TTC39C: variants seen among roughly 807,000 people sequenced by gnomAD.
TTC39C encodes tetratricopeptide repeat domain 39C, also known as tetratricopeptide repeat protein 39C.
Under a neutral mutation model 76.3 loss-of-function variants are expected in TTC39C, and 33 were observed. That is an observed-to-expected ratio of 0.43 (90% CI 0.33 to 0.58). The LOEUF (loss-of-function observed/expected upper bound fraction) is 0.58, where lower values mean the gene tolerates loss of function less well. TTC39C is among the 20% of genes least tolerant of loss of function. TTC39C has a pLI of 0.04. For missense variants in TTC39C, 595 were observed against 701.4 expected, an observed-to-expected ratio of 0.85 and a Z score of 1.71; for synonymous variants, 254 against 260.6, an observed-to-expected ratio of 0.97 and a Z score of 0.24.
chr18:24,125,661 G>A lies in TTC39C; in HGVS notation c.1420+111G>A, dbSNP rs575714304. 3.6e-6 allele frequency: 5 copies of A among 1,370,850 alleles called. No homozygotes were observed. In the African/African-American group the frequency reaches 7.2e-5, roughly 20 times the overall value. 84.9% of individuals were successfully genotyped at this position (1,370,850 alleles called of 1,614,324 possible). A position where few individuals can be genotyped will look rare whatever the true frequency, so the allele number is the denominator to read the frequency against. ...TTCATGTTTATCTCATCGGAGTCAG[G>A]GAGAGTACACATCTCTCCTTAGATA... is the stretch of plus-strand genomic sequence containing the variant. On this transcript the variant is annotated intron_variant, in intron 10 of 13. Transcript: ENST00000317571.
At chr18:24,072,400 A>G (rs972414461) in intron 4 of TTC39C, among the ~76,000 whole-genome samples, 1 of 151,718 alleles carries the variant, frequency 6.6e-6, no homozygotes, top group African/African-American at 2.4e-5. Context: ...GGTTCAAGTG[A>G]TTCTCGTACG....
At chr18:24,066,354 TTTGATATC>T (rs1411159882) in intron 3 of TTC39C, among the ~76,000 whole-genome samples, 8 of 152,202 alleles carry the variant, frequency 5.3e-5, no homozygotes, top group Non-Finnish European at 1.2e-4. Flanking sequence ...TGCATGTCCT[TTTGATATC>T]TTAGAATCAT....
intron 10 of TTC39C, among the ~76,000 whole-genome samples, chr18:24,125,942 C>T (rs1272545276): frequency 1.3e-5 from 2 of 152,196 alleles, no homozygotes; most frequent in Admixed American, 6.5e-5. Flanking sequence ...AATCCCAGCA[C>T]TTTGAAAGGC....
chr18:24,119,666 A>C (rs973270863), intron 8 of TTC39C, among the ~76,000 whole-genome samples: 4 of 152,120 alleles, frequency 2.6e-5, no homozygotes, highest in African/African-American at 9.7e-5. Context: ...GAATAAGCTT[A>C]TTTTTCATAT....
chr18:24,004,760 C>T (rs1283882440), intron 1 of TTC39C, among the ~76,000 whole-genome samples: 1 of 152,184 alleles, frequency 6.6e-6, no homozygotes, highest in Non-Finnish European at 1.5e-5. Flanking sequence ...TGCTTTCACT[C>T]ATTTTTCGTG....
chr18:24,118,290 C>T (rs1050299311), intron 8 of TTC39C, 58 bp downstream of exon 8: 14 of 1,386,878 alleles, frequency 1.0e-5, no homozygotes, highest in South Asian at 7.4e-5. Context: ...GCTCGCCTGA[C>T]GTGGGCAGAT....
upstream of TTC39C, chr18:24,014,571 T>G (rs1299664701): frequency 3.0e-5 from 7 of 235,530 alleles, no homozygotes; most frequent in East Asian, 9.5e-5. Flanking sequence ...CGGAAACGGA[T>G]TCCGCTTCGG....
intron 1 of TTC39C, among the ~76,000 whole-genome samples, chr18:24,036,193 T>C (rs1442297584): frequency 6.6e-6 from 1 of 152,232 alleles, no homozygotes; most frequent in Non-Finnish European, 1.5e-5. Flanking sequence ...TTTTTCAAGA[T>C]ATTTTGGCTA....
intron 6 of TTC39C, among the ~76,000 whole-genome samples, chr18:24,108,408 G>A (rs1026882311): frequency 7.2e-5 from 11 of 152,248 alleles, no homozygotes; most frequent in Non-Finnish European, 1.5e-4. Context: ...AAAAGAACTC[G>A]GCCTTGTTTC....
intron 6 of TTC39C, among the ~76,000 whole-genome samples, chr18:24,104,078 C>G (rs1482900894): frequency 6.6e-6 from 1 of 152,072 alleles, no homozygotes; most frequent in African/African-American, 2.4e-5. Flanking sequence ...ATTACAGGCA[C>G]TTGCCACCAC....
chr18:24,120,120 G>A (rs547247167), intron 8 of TTC39C, among the ~76,000 whole-genome samples: 1 of 152,288 alleles, frequency 6.6e-6, no homozygotes, highest in African/African-American at 2.4e-5. Context: ...GCAAGGCCAA[G>A]GCAGGCAGAT....
chr18:24,094,043 T>A (rs1300519253), intron 6 of TTC39C, among the ~76,000 whole-genome samples: 2 of 152,250 alleles, frequency 1.3e-5, no homozygotes, highest in Admixed American at 6.5e-5. Flanking sequence ...GTAGGACTTC[T>A]TTCAAAATTA....
intron 1 of TTC39C, among the ~76,000 whole-genome samples, chr18:23,999,737 G>T (rs181213359): frequency 5.3e-4 from 80 of 152,346 alleles, no homozygotes; most frequent in Non-Finnish European, 8.8e-4. Flanking sequence ...GCAGAGAGAA[G>T]GTGAGACTGG....
chr18:24,092,515 G>A (rs2084535965), intron 6 of TTC39C, among the ~76,000 whole-genome samples: 1 of 152,184 alleles, frequency 6.6e-6, no homozygotes, highest in Non-Finnish European at 1.5e-5. Context: ...TAAACAACAT[G>A]TGATACATTC....
chr18:24,030,087 A>G (rs573377527), intron 1 of TTC39C, among the ~76,000 whole-genome samples: 4 of 152,344 alleles, frequency 2.6e-5, no homozygotes, highest in African/African-American at 9.6e-5. Flanking sequence ...CGTACTGTTT[A>G]TAATGAAAAT....
intron 6 of TTC39C, 88 bp downstream of exon 6, chr18:24,083,169 A>G: frequency 7.4e-7 from 1 of 1,358,622 alleles, no homozygotes; most frequent in Non-Finnish European, 9.9e-7. Context: ...AAAACGAGCC[A>G]GAATGTCCCA....
intron 6 of TTC39C, among the ~76,000 whole-genome samples, chr18:24,094,265 A>C (rs766848921): frequency 3.9e-5 from 6 of 152,098 alleles, no homozygotes; most frequent in Non-Finnish European, 8.8e-5. Context: ...TTCAGGCTCC[A>C]CTTCTGATTC....
intron 1 of TTC39C, among the ~76,000 whole-genome samples, chr18:24,041,235 T>G (rs1050395514): frequency 6.6e-6 from 1 of 152,226 alleles, no homozygotes; most frequent in Non-Finnish European, 1.5e-5. Context: ...GCACAGCTAA[T>G]GATAGCATCT....
At chr18:24,020,589 G>GT (rs1408069654) in intron 1 of TTC39C, among the ~76,000 whole-genome samples, 1 of 152,164 alleles carries the variant, frequency 6.6e-6, no homozygotes, top group African/African-American at 2.4e-5. Context: ...CAGTATTTGC[G>GT]TATCACCTAC....
Sources: gnomAD v4.1 joint callset for allele counts (sites outside exome capture counted in the v4.1 genomes callset) on GRCh38, gnomAD v4.1.1 for gene constraint, MANE v1.5 for transcripts, NCBI Gene and HGNC (gene_info 2026-07-23, HGNC 2026-07-21) for gene names.